MDN1: variants seen among roughly 807,000 people sequenced by gnomAD.
MDN1 encodes midasin AAA ATPase 1.
A neutral mutation model predicts 669.2 loss-of-function variants in MDN1; 266 were observed. The ratio of observed to expected loss-of-function variants is 0.40; its 90% CI spans 0.36 to 0.44. MDN1 has a LOEUF of 0.44. MDN1 is among the 20% of genes least tolerant of loss of function. The pLI is 1.00. For synonymous variants in MDN1, 2,385 were observed against 2,457.1 expected, an observed-to-expected ratio of 0.97 and a Z score of 0.87; for missense variants, 5,940 against 6,754.0, an observed-to-expected ratio of 0.88 and a Z score of 4.22.
chr6:89,684,502 A>G (rs1811871101), intron 71 of MDN1, among the ~76,000 whole-genome samples: 1 of 152,064 alleles, frequency 6.6e-6, no homozygotes, highest in Non-Finnish European at 1.5e-5. Context: ...TTGGTTCCAC[A>G]ACCACTGAGA....
chr6:89,815,358 T>C, intron 1 of MDN1: 1 of 451,982 alleles, frequency 2.2e-6, no homozygotes, highest in Non-Finnish European at 4.3e-6. Flanking sequence ...CGGAAGAGAG[T>C]GGTGAAATGA....
chr6:89,706,650 G>T (rs1813534579), intron 52 of MDN1, among the ~76,000 whole-genome samples: 1 of 151,848 alleles, frequency 6.6e-6, no homozygotes, highest in Non-Finnish European at 1.5e-5. Context: ...TTCATATTAG[G>T]GATGTTCAAT....
chr6:89,777,376 G>A (rs2128323717), intron 11 of MDN1, among the ~76,000 whole-genome samples: 1 of 152,300 alleles, frequency 6.6e-6, no homozygotes, highest in Admixed American at 6.5e-5. Context: ...TTACTTCTAA[G>A]CCTCATAGGC....
chr6:89,781,352 C>CAA, intron 10 of MDN1, 47 bp downstream of exon 10: 4 of 1,348,206 alleles, frequency 3.0e-6, no homozygotes, highest in Non-Finnish European at 4.1e-6. Context: ...ATCTGTCTCA[C>CAA]AAAAAAAAAA....
At chr6:89,714,828 G>A in intron 45 of MDN1, 77 bp from the exon 46 acceptor site, 1 of 1,209,678 alleles carries the variant, frequency 8.3e-7, no homozygotes, top group South Asian at 1.5e-5. Context: ...GCATCAGTCA[G>A]TGAGGGCAAA....
intron 33 of MDN1, among the ~76,000 whole-genome samples, chr6:89,733,159 A>G (rs574697978): frequency 1.4e-4 from 22 of 152,244 alleles, no homozygotes; most frequent in Admixed American, 4.6e-4. Flanking sequence ...TGTATTTTAA[A>G]TAAATTTATT....
At chr6:89,656,117 G>T (rs1303458928) in intron 91 of MDN1, 149 bp from the exon 92 acceptor site, 5 of 659,650 alleles carry the variant, frequency 7.6e-6, no homozygotes, top group Non-Finnish European at 1.3e-5. Flanking sequence ...AAAAAGAACC[G>T]GGACTCTATA....
chr6:89,789,768 G>A lies in MDN1; in HGVS notation c.1230+12C>T. On this transcript the variant is annotated intron_variant, in intron 7 of 101. Transcript: ENST00000369393. ...TATATTAAGGGACAATGAATTTCCTGAGATGACATACCACGTCTAAGGGGG... is the reference window on the plus strand; with the variant it reads ...TATATTAAGGGACAATGAATTTCCTAAGATGACATACCACGTCTAAGGGGG... The A allele has an allele frequency of 6.4e-7, 1 of 1,574,248 alleles. No individual in the cohort carries two copies. The highest frequency in any genetic ancestry group is 1.4e-5 in the African/African-American group (1 of 73,134).
At chr6:89,721,913 G>A (rs1163970833) in intron 40 of MDN1, among the ~76,000 whole-genome samples, 1 of 152,178 alleles carries the variant, frequency 6.6e-6, no homozygotes, top group African/African-American at 2.4e-5. Context: ...GGAGGTTACT[G>A]CTTCTAGTGC....
intron 73 of MDN1, among the ~76,000 whole-genome samples, chr6:89,681,839 G>C (rs568566519): frequency 7.8e-4 from 119 of 151,992 alleles, no homozygotes; most frequent in African/African-American, 2.7e-3. Context: ...TTTTTGGAGA[G>C]ACAGGGTCTC....
chr6:89,761,879 G>T, intron 16 of MDN1, 131 bp from the exon 17 acceptor site: 2 of 649,188 alleles, frequency 3.1e-6, no homozygotes, highest in African/African-American at 1.8e-5. Flanking sequence ...CTAAAAACTT[G>T]TATAATGCTA....
Position 89,645,130 on chromosome 6 carries a change from G to A in MDN1, c.16487C>T (p.Ser5496Phe). 6.2e-7 allele frequency: 1 copy of A among 1,609,904 alleles called. No individual in the cohort carries two copies. Among genetic ancestry groups the A allele is most frequent in the East Asian group, 2.2e-5 (1 of 44,764 alleles). The change falls in exon 101 of 102, where the codon TCT becomes TTT. Residue 5496 changes from serine to phenylalanine, a missense_variant. Coordinates refer to ENST00000369393, the MANE Select transcript of MDN1 (RefSeq NM_014611.3). ...CTCAAGGAAAAGGCCTCGCCCATCAGAGACTACCAGGAGGAGTTGTGCAGT... is the reference window on the plus strand; with the variant it reads ...CTCAAGGAAAAGGCCTCGCCCATCAAAGACTACCAGGAGGAGTTGTGCAGT... The part of the protein sequence containing the change: ...SETAQLLLVV[S>F]DGRGLFLEGK...
chr6:89,795,696 G>A (rs1000890875), intron 2 of MDN1, among the ~76,000 whole-genome samples: 36 of 151,898 alleles, frequency 2.4e-4, no homozygotes, highest in African/African-American at 7.5e-4. Flanking sequence ...GCTCACACCC[G>A]TAATCCCAGC....
Position 89,687,274 on chromosome 6 carries a change from G to T in MDN1, c.11450+70C>A, listed in dbSNP as rs117224547. On this transcript the variant is annotated intron_variant, in intron 68 of 101. Transcript: ENST00000369393. ...GCTGTAATACTATATAAATCCTAAAGAAATTTAAACTACCAAAAGACAAAA... is the reference window on the plus strand; with the variant it reads ...GCTGTAATACTATATAAATCCTAAATAAATTTAAACTACCAAAAGACAAAA... The T allele has an allele frequency of 2.4e-4, 347 of 1,417,992 alleles. 2 individuals carry two copies. In the East Asian group the frequency reaches 7.5e-3, roughly 31 times the overall value. The allele number at this position is 1,417,992 out of a possible 1,614,324, so 87.8% of individuals were successfully genotyped here. A position where few individuals can be genotyped will look rare whatever the true frequency, so the allele number is the denominator to read the frequency against.
intron 75 of MDN1, among the ~76,000 whole-genome samples, chr6:89,678,372 T>C (rs1277620950): frequency 1.3e-5 from 2 of 152,066 alleles, no homozygotes; most frequent in African/African-American, 2.4e-5. Flanking sequence ...AAAATATAGA[T>C]TCCGAGAAAC....
chr6:89,653,917 T>A (rs1010194164), intron 93 of MDN1, among the ~76,000 whole-genome samples: 4 of 152,222 alleles, frequency 2.6e-5, no homozygotes, highest in Admixed American at 6.5e-5. Flanking sequence ...TAAAAACTGA[T>A]GAGATTTTGC....
chr6:89,743,855 C>G (rs1368160555), intron 29 of MDN1, 141 bp from the exon 30 acceptor site: 2 of 877,424 alleles, frequency 2.3e-6, no homozygotes, highest in African/African-American at 3.4e-5. Context: ...GAACCTCAAC[C>G]CCAGGCTCAT....
chr6:89,779,981 G>A lies in MDN1; in HGVS notation c.1725+231C>T, dbSNP rs549315811. 3.9e-5 allele frequency among the ~76,000 whole-genome samples: 6 copies of A among 151,958 alleles called. No individual in the cohort carries two copies. The highest frequency in any genetic ancestry group is 1.9e-4 in the East Asian group (1 of 5,162). On this transcript the variant is annotated intron_variant, in intron 11 of 101. Transcript: ENST00000369393. ...CTCGGGAGGCTGAGGCAAGAGAATC[G>A]CTTGAACCCAGAAGGTGGAGGCTGC...
intron 5 of MDN1, 81 bp from the exon 6 acceptor site, chr6:89,790,482 A>G: frequency 1.3e-6 from 2 of 1,558,744 alleles, no homozygotes; most frequent in Non-Finnish European, 8.8e-7. Flanking sequence ...TAAGCCTTCT[A>G]CTAACCTTAC....
Sources: gnomAD v4.1 joint callset for allele counts (sites outside exome capture counted in the v4.1 genomes callset) on GRCh38, gnomAD v4.1.1 for gene constraint, MANE v1.5 for transcripts, NCBI Gene and HGNC (gene_info 2026-07-23, HGNC 2026-07-21) for gene names.